Variants in ASIC3 observed in about 807,000 individuals in gnomAD.
ASIC3 encodes the protein acid-sensing ion channel 3.
ASIC3 carries 46 observed loss-of-function variants against 58.6 expected under a neutral mutation model. The observed-to-expected ratio is 0.79, with a 90% CI of 0.62 to 1.00. ASIC3 has a LOEUF of 1.00. Among genes scored for constraint, ASIC3 ranks in the 50% least tolerant of loss-of-function variants. ASIC3 has a pLI of 0.00. For missense variants in ASIC3, 770 were observed against 735.0 expected, an observed-to-expected ratio of 1.05 and a Z score of -0.55; for synonymous variants, 336 against 300.2, an observed-to-expected ratio of 1.12 and a Z score of -1.23.
chr7:151,050,264 G>C lies in ASIC3; in HGVS notation c.685+8G>C. The C allele has an allele frequency of 6.2e-7, 1 of 1,608,426 alleles. No homozygotes were observed. The highest frequency in any genetic ancestry group is 8.5e-7 in the Non-Finnish European group (1 of 1,175,516). On this transcript the variant is annotated splice_region_variant and intron_variant, in intron 2 of 10. Coordinates refer to ENST00000349064, the MANE Select transcript of ASIC3 (RefSeq NM_004769.4). ...CTGTGTGGAGGGACAATGGTAGGGA[G>C]CACACAAATGAGGCTGGGGGAGGGC...
At chr7:151,050,395 G>T (rs1381080913) in intron 2 of ASIC3, 86 bp from the exon 3 acceptor site, 2 of 1,578,444 alleles carry the variant, frequency 1.3e-6, no homozygotes, top group Non-Finnish European at 8.6e-7. Context: ...CCAGTCCTGG[G>T]GAGAGGGGCT....
chr7:151,049,092 G>T lies in ASIC3; in HGVS notation c.207G>T (p.Glu69Asp), dbSNP rs1176770628. 2 of 1,613,894 alleles carry T rather than the reference G, an allele frequency of 1.2e-6. No individual in the cohort carries two copies. The highest frequency in any genetic ancestry group is 1.7e-5 in the Admixed American group (1 of 60,032). ...QVAERVRYYR[E>D]FHHQTALDER... is the part of the protein sequence containing the mutation. ...CTGAGAGGGTGCGCTACTACAGGGA[G>T]TTCCACCACCAGACTGCCCTGGATG... Residue 69 changes from glutamate to aspartate, a missense_variant, in exon 1 of 11, where the codon GAG (glutamate) becomes GAT (aspartate). Coordinates refer to ENST00000349064, the MANE Select transcript of ASIC3 (RefSeq NM_004769.4).
rs755616788 is a variant in ASIC3 at position 151,050,885 on chromosome 7, G to A, written c.941G>A (p.Gly314Glu). The A allele has an allele frequency of 7.9e-5, 127 of 1,613,284 alleles. No homozygotes were observed. Among genetic ancestry groups the A allele is most frequent in the Non-Finnish European group, 1.0e-4 (120 of 1,180,020 alleles). ...CCCAGCCCTCCCTATACCCTTATGG[G>A]GTGTCGCCTGGCCTGCGAAACCCGC... ...PSPSPPYTLM[G>E]CRLACETRYV... Residue 314 changes from glycine (G) to glutamate (E), a missense_variant, in exon 4 of 11, where the codon GGG (glycine) becomes GAG (glutamate). By Grantham distance (98) the Gly-to-Glu change is moderately conservative. Transcript: ENST00000349064.
At chr7:151,051,754 C>T (rs1246222985) in intron 6 of ASIC3, 56 bp from the exon 7 acceptor site, 1 of 1,575,544 alleles carries the variant, frequency 6.3e-7, no homozygotes, top group African/African-American at 1.3e-5. Flanking sequence ...TGCTTCTTGC[C>T]AGCAGTGGGC....
chr7:151,048,871 T>A lies in ASIC3; in HGVS notation c.-15T>A. 3 of 1,534,482 alleles carry A rather than the reference T, an allele frequency of 2.0e-6. No homozygotes were observed. The highest frequency in any genetic ancestry group is 2.6e-6 in the Non-Finnish European group (3 of 1,139,454). On this transcript the variant is annotated 5_prime_UTR_variant, in exon 1 of 11. Coordinates refer to ENST00000349064, the MANE Select transcript of ASIC3 (RefSeq NM_004769.4). The stretch of plus-strand genomic sequence containing the variant: ...TCCAAGCCTCTGTAGCTGGTTCCGC[T>A]CCTGGGTTCTGGCCATGAAGCCCAC...
chr7:151,051,192 T>TCCAACC lies in ASIC3; in HGVS notation c.1088_1089insCAACCC (p.Ser363_Cys364insAsnPro), dbSNP rs1554447625. On this transcript the variant is annotated inframe_insertion, in exon 6 of 11. Coordinates refer to ENST00000349064, the MANE Select transcript of ASIC3 (RefSeq NM_004769.4). ...CGCAGATGCCATGCTTCGCAAGGAC[T>TCCAACC]CGTGCGCCTGCCCCAACCCGTGCGC... 6 of 1,591,084 alleles carry TCCAACC rather than the reference T, an allele frequency of 3.8e-6. No homozygotes were observed.
rs763968874 is a variant in ASIC3, at chr7:151,052,490, C to T, written c.1517+16C>T. Reference sequence around the variant, plus strand: ...TGGGCCCCAGGTAACACATAATGGCCCCCTAAAATCAAGGGAGGGCAGGGG... The same window carrying T: ...TGGGCCCCAGGTAACACATAATGGCTCCCTAAAATCAAGGGAGGGCAGGGG... On this transcript the variant is annotated intron_variant, in intron 10 of 10. Transcript: ENST00000349064. This position sits in a 1 kb window ranked among gnomAD's most constrained non-coding sequence, Gnocchi z 5.0. 2 of 1,613,870 alleles carry T rather than the reference C, an allele frequency of 1.2e-6. No individual in the cohort carries two copies. The highest frequency in any genetic ancestry group is 1.1e-5 in the South Asian group (1 of 91,072).
chr7:151,050,753 C>T lies in ASIC3; in HGVS notation c.814-5C>T, dbSNP rs377265988. On this transcript the variant is annotated splice_region_variant and splice_polypyrimidine_tract_variant and intron_variant, in intron 3 of 10. Coordinates refer to ENST00000349064, the MANE Select transcript of ASIC3 (RefSeq NM_004769.4). ...GGAAGCCTCCTTAACCCTGTCCCCC[C>T]ACAGCTGAGCTTCCTGCCACCGCCC... is the stretch of plus-strand genomic sequence containing the variant. 12 of 1,613,016 alleles carry T rather than the reference C, an allele frequency of 7.4e-6. No individual in the cohort carries two copies. The highest frequency in any genetic ancestry group is 4.5e-5 in the East Asian group (2 of 44,890).
Position 151,052,710 on chromosome 7 carries a change from A to G in ASIC3, c.*58A>G. The G allele has an allele frequency of 6.2e-7, 1 of 1,614,078 alleles. No individual in the cohort carries two copies. ...GACATCCTGGACATGCCTAGCCTGC[A>G]CGTAGCTTTTCCGTCTTCACCCCAA... is the stretch of plus-strand genomic sequence containing the variant. On this transcript the variant is annotated 3_prime_UTR_variant, in exon 11 of 11. Transcript: ENST00000349064. The surrounding 1 kb of genome is among the most constrained non-coding windows in gnomAD (Gnocchi z 5.0).
In ASIC3 at chr7:151,052,030, A is replaced by C. The variant is rs1236234198; in HGVS notation, c.1354A>C (p.Thr452Pro). The C allele has an allele frequency of 6.2e-7, 1 of 1,613,056 alleles. No homozygotes were observed. The highest frequency in any genetic ancestry group is 8.5e-7 in the Non-Finnish European group (1 of 1,179,766). ...MGLFIGASLLTILEILDYLCE... is the reference protein window; with the variant it reads ...MGLFIGASLLPILEILDYLCE... ...GCTGTTCATCGGGGCCAGCCTGCTC[A>C]CCATCCTCGAGATCCTAGACTACCT... The change falls in exon 8 of 11, where the codon ACC becomes CCC. Residue 452 changes from threonine to proline, a missense_variant. Physicochemically the swap from Thr to Pro is conservative, Grantham distance 38 (BLOSUM62 -1). Coordinates refer to ENST00000349064, the MANE Select transcript of ASIC3 (RefSeq NM_004769.4). The surrounding 1 kb of genome is among the most constrained non-coding windows in gnomAD (Gnocchi z 5.0).
rs762670261 is a variant in ASIC3, at chr7:151,048,919, C to T, written c.34C>T (p.Arg12Trp). 15 of 1,561,220 alleles carry T rather than the reference C, an allele frequency of 9.6e-6. No individual in the cohort carries two copies. Among genetic ancestry groups the T allele is most frequent in the African/African-American group, 6.8e-5 (5 of 74,046 alleles). ...CACCTCAGGCCCAGAGGAGGCCCGG[C>T]GGCCAGCCTCGGACATCCGCGTGTT... The part of the protein sequence containing the change: ...KPTSGPEEAR[R>W]PASDIRVFAS... Residue 12 changes from arginine to tryptophan, a missense_variant, in exon 1 of 11, where the codon CGG becomes TGG. Physicochemically the swap from Arg to Trp is moderately radical, Grantham distance 101. Transcript: ENST00000349064.
At chr7:151,050,994 A>T (rs1270280122) in intron 4 of ASIC3, 41 bp downstream of exon 4, 1 of 1,612,950 alleles carries the variant, frequency 6.2e-7, no homozygotes, top group Non-Finnish European at 8.5e-7. Context: ...GGCAGGGCCC[A>T]GGGAGCTGAG....
intron 7 of ASIC3, 27 bp downstream of exon 7, chr7:151,051,928 G>C (rs758833330): frequency 1.2e-6 from 2 of 1,613,704 alleles, no homozygotes; most frequent in South Asian, 1.1e-5. Flanking sequence ...CCCAGGGCTG[G>C]GGGGGTGTGG....
chr7:151,052,529 G>C lies in ASIC3; in HGVS notation c.1518-45G>C. On this transcript the variant is annotated intron_variant, in intron 10 of 10. Coordinates refer to ENST00000349064, the MANE Select transcript of ASIC3 (RefSeq NM_004769.4). The surrounding 1 kb of genome is among the most constrained non-coding windows in gnomAD (Gnocchi z 5.0). ...GGAGGGCAGGGGCAGGCTCAGGACA[G>C]TGGGTGTGCCCGTTCCCACCCCAGC... is the stretch of plus-strand genomic sequence containing the variant. The C allele has an allele frequency of 1.9e-6, 3 of 1,613,776 alleles. No homozygotes were observed. Among genetic ancestry groups the C allele is most frequent in the Non-Finnish European group, 2.5e-6 (3 of 1,179,832 alleles).
intron 6 of ASIC3, among the ~76,000 whole-genome samples, 188 bp downstream of exon 6, chr7:151,051,507 CA>C (rs2150359554): frequency 6.8e-6 from 1 of 147,010 alleles, no homozygotes; most frequent in Non-Finnish European, 1.5e-5. Flanking sequence ...CGCCTCCTCC[CA>C]GGGGTCTGTT....
Position 151,052,221 on chromosome 7 carries a change from A to C in ASIC3, c.1442A>C (p.His481Pro). The change falls in exon 9 of 11, where the codon CAC becomes CCC. Residue 481 changes from histidine to proline, a missense_variant. By Grantham distance (77) the His-to-Pro change is moderately conservative (BLOSUM62 -2). Coordinates refer to ENST00000349064, the MANE Select transcript of ASIC3 (RefSeq NM_004769.4). This position sits in a 1 kb window ranked among gnomAD's most constrained non-coding sequence, Gnocchi z 5.0. The part of the protein sequence containing the change: ...YFWNRQHSQR[H>P]SSTNLLQEGL... ...TGGAACCGACAGCACTCCCAAAGGC[A>C]CTCCAGCACCAATCTGGTAACAGCC... The C allele has an allele frequency of 6.2e-7, 1 of 1,613,784 alleles. No homozygotes were observed. Among genetic ancestry groups the C allele is most frequent in the Non-Finnish European group, 8.5e-7 (1 of 1,179,944 alleles).
intron 1 of ASIC3, 57 bp downstream of exon 1, chr7:151,049,476 C>T (rs1469638425): frequency 6.6e-7 from 1 of 1,510,368 alleles, no homozygotes; most frequent in Admixed American, 2.1e-5. Context: ...CCAGTCCCTG[C>T]CCAGCACCCA....
chr7:151,052,563 C>G lies in ASIC3; in HGVS notation c.1518-11C>G. 2 of 1,613,770 alleles carry G rather than the reference C, an allele frequency of 1.2e-6. No individual in the cohort carries two copies. The highest frequency in any genetic ancestry group is 1.7e-6 in the Non-Finnish European group (2 of 1,179,850). Reference sequence around the variant, plus strand: ...CCCGTTCCCACCCCAGCACTCTGCTCTGTTCCGAAGACCTCCCACCCCTCC... The same window carrying G: ...CCCGTTCCCACCCCAGCACTCTGCTGTGTTCCGAAGACCTCCCACCCCTCC... On this transcript the variant is annotated splice_polypyrimidine_tract_variant and intron_variant, in intron 10 of 10. Coordinates refer to ENST00000349064, the MANE Select transcript of ASIC3 (RefSeq NM_004769.4). The surrounding 1 kb of genome is among the most constrained non-coding windows in gnomAD (Gnocchi z 5.0).
At position 151,052,403 on chromosome 7, in the gene ASIC3, C is replaced by T. The variant is rs199755425; in HGVS notation, c.1459-13C>T. ...GACCACTCCCCACCTCTGACCCTCT[C>T]GTCCTCACACAGCTTCAGGAAGGGC... On this transcript the variant is annotated splice_polypyrimidine_tract_variant and intron_variant, in intron 9 of 10. Transcript: ENST00000349064. This position sits in a 1 kb window ranked among gnomAD's most constrained non-coding sequence, Gnocchi z 5.0. 327 of 1,614,006 alleles carry T rather than the reference C, an allele frequency of 2.0e-4. 3 individuals carry two copies. The East Asian group carries it at 4.3e-3, about 21-fold the overall frequency.
Sources: gnomAD v4.1 joint callset for allele counts (sites outside exome capture counted in the v4.1 genomes callset) on GRCh38, gnomAD v4.1.1 for gene constraint, Gnocchi (gnomAD v3.1) non-coding constraint, MANE v1.5 for transcripts, NCBI Gene and HGNC (gene_info 2026-07-23, HGNC 2026-07-21) for gene names.